Variants in UVRAG observed in about 807,000 individuals in gnomAD.
The protein encoded by UVRAG is UV radiation resistance-associated gene protein.
UVRAG carries 19 observed loss-of-function variants against 78.0 expected under a neutral mutation model. The observed-to-expected ratio is 0.24, with a 90% confidence interval of 0.17 to 0.36. The LOEUF (loss-of-function observed/expected upper bound fraction) is 0.36. Among genes scored for constraint, UVRAG ranks in the 10% least tolerant of loss-of-function variants. The probability of loss-of-function intolerance (pLI) is 1.00; values close to 1 mark genes in which losing one functional copy is unlikely to be tolerated. For missense variants in UVRAG, 740 were observed against 853.8 expected (o/e 0.87, Z 1.66); for synonymous variants, 323 against 324.6 (o/e 1.00, Z 0.05).
chr11:76,139,635 T>C lies in UVRAG; in HGVS notation c.1398-1076T>C, dbSNP rs1952668990. Among the ~76,000 whole-genome samples the C allele has an allele frequency of 2.0e-5, 3 of 152,222 alleles. No individual in the cohort carries two copies. The South Asian group carries it at 6.2e-4, about 32-fold the overall frequency. ...ACCCAATCTGTTCATATGGTTGTAT[T>C]GAAGCTAATTTCATCCACATACAAG... On this transcript the variant is annotated intron_variant, in intron 14 of 14. Coordinates refer to ENST00000356136, the MANE Select transcript of UVRAG (RefSeq NM_003369.4).
chr11:75,925,958 A>T (rs903373753), intron 6 of UVRAG, among the ~76,000 whole-genome samples: 9 of 151,986 alleles, frequency 5.9e-5, no homozygotes, highest in African/African-American at 2.2e-4. Flanking sequence ...ATATTTCTCC[A>T]TCTCATGTGG....
At chr11:76,043,660 T>C (rs1241047176) in intron 12 of UVRAG, among the ~76,000 whole-genome samples, 1 of 152,194 alleles carries the variant, frequency 6.6e-6, no homozygotes, top group African/African-American at 2.4e-5. Context: ...CTAAGTAAAA[T>C]TCATAAAACA....
intron 1 of UVRAG, among the ~76,000 whole-genome samples, chr11:75,832,358 G>T (rs542121769): frequency 6.6e-6 from 1 of 152,346 alleles, no homozygotes; most frequent in East Asian, 1.9e-4. Context: ...GCTATAAACT[G>T]AAGGTTACCA....
At chr11:75,972,967 A>G (rs1025027907) in intron 7 of UVRAG, among the ~76,000 whole-genome samples, 3 of 152,104 alleles carry the variant, frequency 2.0e-5, no homozygotes, top group Admixed American at 6.6e-5. Context: ...TATGGAAACA[A>G]TAATATTATC....
At chr11:76,069,819 C>G (rs947968171) in intron 13 of UVRAG, among the ~76,000 whole-genome samples, 5 of 151,922 alleles carry the variant, frequency 3.3e-5, no homozygotes, top group Admixed American at 6.6e-5. Flanking sequence ...ATATACTTCA[C>G]TGTTCTATAT....
intron 7 of UVRAG, among the ~76,000 whole-genome samples, chr11:75,981,370 C>T (rs1949388410): frequency 6.6e-6 from 1 of 152,154 alleles, no homozygotes; most frequent in Non-Finnish European, 1.5e-5. Context: ...CCTCAGCCTC[C>T]CAAAATGCTG....
intron 4 of UVRAG, among the ~76,000 whole-genome samples, chr11:75,887,784 A>G (rs1031135601): frequency 6.6e-6 from 1 of 151,872 alleles, no homozygotes; most frequent in East Asian, 2.0e-4. Context: ...GGGTTTCGCC[A>G]TGTTGGCCAG....
At chr11:76,023,960 G>A (rs2135385955) in intron 12 of UVRAG, among the ~76,000 whole-genome samples, 1 of 152,218 alleles carries the variant, frequency 6.6e-6, no homozygotes, top group East Asian at 1.9e-4. Flanking sequence ...TATAAGGGAT[G>A]AAGGGACGCC....
At chr11:75,898,747 G>A (rs1347935897) in intron 5 of UVRAG, among the ~76,000 whole-genome samples, 3 of 152,154 alleles carry the variant, frequency 2.0e-5, no homozygotes, top group Admixed American at 2.0e-4. Flanking sequence ...AACTTATAGC[G>A]TCTTAGGGGG....
chr11:75,944,209 G>A (rs1948542612), intron 6 of UVRAG, among the ~76,000 whole-genome samples: 1 of 152,130 alleles, frequency 6.6e-6, no homozygotes, highest in Non-Finnish European at 1.5e-5. Flanking sequence ...AGCTGTCAGA[G>A]TCTTAGCTAC....
chr11:75,952,654 T>A (rs1948726031), intron 6 of UVRAG, among the ~76,000 whole-genome samples: 1 of 152,254 alleles, frequency 6.6e-6, no homozygotes, highest in South Asian at 2.1e-4. Flanking sequence ...TCCAGTTGCT[T>A]TATCCTTTTC....
chr11:75,898,093 A>G (rs1350368693), intron 5 of UVRAG, among the ~76,000 whole-genome samples: 1 of 146,032 alleles, frequency 6.8e-6, no homozygotes, highest in East Asian at 2.1e-4. Flanking sequence ...CTGGTCTTGA[A>G]CTCCTGACCT....
chr11:75,857,056 A>G (rs930169036), intron 2 of UVRAG, among the ~76,000 whole-genome samples: 2 of 152,148 alleles, frequency 1.3e-5, no homozygotes, highest in Admixed American at 1.3e-4. Flanking sequence ...CCATAACCTA[A>G]TCACTTCTTG....
chr11:75,930,984 T>TTTCC (rs1555089561), intron 6 of UVRAG: 31 of 150,202 alleles, frequency 2.1e-4, no homozygotes, highest in Non-Finnish European at 3.3e-4. Context: ...TCTTTCTTTC[T>TTTCC]TTCCATTTTT....
chr11:76,028,587 T>C (rs903655067), intron 12 of UVRAG, among the ~76,000 whole-genome samples: 9 of 152,070 alleles, frequency 5.9e-5, no homozygotes, highest in Non-Finnish European at 7.4e-5. Context: ...TGAAAAGACT[T>C]ATTGCTGATA....
chr11:75,901,196 A>T (rs1303379154), intron 5 of UVRAG, among the ~76,000 whole-genome samples: 1 of 152,128 alleles, frequency 6.6e-6, no homozygotes, highest in Non-Finnish European at 1.5e-5. Context: ...TAGTCATACA[A>T]ACAAACACTG....
chr11:75,856,779 T>C (rs1181935905), intron 2 of UVRAG, among the ~76,000 whole-genome samples: 2 of 152,212 alleles, frequency 1.3e-5, no homozygotes, highest in South Asian at 2.1e-4. Flanking sequence ...CCTGTTGACC[T>C]TTCCTCTGAA....
intron 7 of UVRAG, among the ~76,000 whole-genome samples, chr11:75,970,648 G>C (rs1949105296): frequency 6.6e-6 from 1 of 151,418 alleles, no homozygotes; most frequent in Non-Finnish European, 1.5e-5. Context: ...CAGGAGAATG[G>C]TGTGAACCCG....
intron 13 of UVRAG, among the ~76,000 whole-genome samples, chr11:76,068,216 G>T (rs530268211): frequency 6.6e-6 from 1 of 152,278 alleles, no homozygotes; most frequent in East Asian, 1.9e-4. Flanking sequence ...CAAGATGGAG[G>T]CTATGTGCAG....
Sources: allele counts gnomAD v4.1 joint callset (sites outside exome capture counted in the v4.1 genomes callset), GRCh38; gene constraint gnomAD v4.1.1; transcripts MANE v1.5; gene names NCBI Gene and HGNC (gene_info 2026-07-23, HGNC 2026-07-21).